ACSS1: variants seen among roughly 807,000 people sequenced by gnomAD.
The protein encoded by ACSS1 is acetyl-coenzyme A synthetase 2-like, mitochondrial.
In ACSS1, 42 loss-of-function variants were observed where a neutral mutation model predicts 75.3. The observed-to-expected ratio is 0.56, with a 90% CI of 0.44 to 0.72. ACSS1 has a LOEUF of 0.72. Among genes scored for constraint, ACSS1 ranks in the 30% least tolerant of loss-of-function variants. ACSS1 has a pLI of 0.00. For missense variants in ACSS1, 782 were observed against 935.7 expected, an observed-to-expected ratio of 0.84 and a Z score of 2.14; for synonymous variants, 380 against 376.8, an observed-to-expected ratio of 1.01 and a Z score of -0.10.
At chr20:25,044,923 G>A (rs2089062069) in intron 2 of ACSS1, among the ~76,000 whole-genome samples, 1 of 152,212 alleles carries the variant, frequency 6.6e-6, no homozygotes, top group Admixed American at 6.5e-5. Flanking sequence ...TCACCTCCCA[G>A]TGGGAATTGA....
At chr20:25,030,990 A>G (rs750891775) in intron 2 of ACSS1, 32 bp from the exon 3 acceptor site, 3 of 1,608,960 alleles carry the variant, frequency 1.9e-6, no homozygotes, top group East Asian at 4.5e-5. Context: ...GCCATCAGAG[A>G]TGGAGGAGGG....
intron 13 of ACSS1, among the ~76,000 whole-genome samples, chr20:25,008,675 T>A (rs2088352388): frequency 6.6e-6 from 1 of 152,314 alleles, no homozygotes; most frequent in East Asian, 1.9e-4. Flanking sequence ...CCCCTGATTC[T>A]GACCCCCTGG....
intron 2 of ACSS1, among the ~76,000 whole-genome samples, chr20:25,035,870 A>G (rs1302429734): frequency 6.6e-6 from 1 of 152,246 alleles, no homozygotes; most frequent in Non-Finnish European, 1.5e-5. Flanking sequence ...CTCAGGAACC[A>G]TTTGAAAGCA....
intron 2 of ACSS1, among the ~76,000 whole-genome samples, chr20:25,039,582 T>C (rs1043070345): frequency 6.6e-6 from 1 of 152,146 alleles, no homozygotes; most frequent in South Asian, 2.1e-4. Context: ...GAATGGCGTT[T>C]TCCTTCATCA....
chr20:25,013,727 A>G, intron 9 of ACSS1, 65 bp from the exon 10 acceptor site: 2 of 1,545,704 alleles, frequency 1.3e-6, no homozygotes, highest in Non-Finnish European at 8.7e-7. Context: ...CCAAAAAATG[A>G]CAAGCCCTGC....
At chr20:25,018,895 C>T (rs1033742321) in intron 7 of ACSS1, among the ~76,000 whole-genome samples, 2 of 152,206 alleles carry the variant, frequency 1.3e-5, no homozygotes, top group African/African-American at 4.8e-5. Context: ...TATACTAAGG[C>T]TCACATCTGA....
At chr20:25,025,870 G>A (rs1379454464) in intron 3 of ACSS1, among the ~76,000 whole-genome samples, 1 of 151,300 alleles carries the variant, frequency 6.6e-6, no homozygotes, top group East Asian at 1.9e-4. Flanking sequence ...TGTGCATTAA[G>A]GATGTGGGAT....
Position 25,057,844 on chromosome 20 carries a change from AG to A in ACSS1, c.258del (p.Tyr87ThrfsTer22). ...AAGTCGCAGTCCCAGACGGTGTGGTAGGGGGTGTCCCACACGAGAGTGTCCC... is the reference window on the plus strand; with the variant it reads ...AAGTCGCAGTCCCAGACGGTGTGGTAGGGGTGTCCCACACGAGAGTGTCCC... ...LARDTLVWDT[P>X]YHTVWDCDFS... On this transcript the variant is annotated frameshift_variant, in exon 1 of 14. Transcript: ENST00000323482. LOFTEE classifies it high-confidence loss of function. 1 of 1,612,290 alleles carries A rather than the reference AG, an allele frequency of 6.2e-7. No homozygotes were observed. Among genetic ancestry groups the A allele is most frequent in the Non-Finnish European group, 8.5e-7 (1 of 1,179,290 alleles).
At chr20:25,018,510 C>T (rs1202279394) in intron 7 of ACSS1, among the ~76,000 whole-genome samples, 1 of 152,104 alleles carries the variant, frequency 6.6e-6, no homozygotes, top group East Asian at 1.9e-4. Context: ...GGCACAGAGC[C>T]CATCAATCAG....
intron 1 of ACSS1, 34 bp downstream of exon 1, chr20:25,057,735 T>G (rs765225244): frequency 6.6e-7 from 1 of 1,525,226 alleles, no homozygotes; most frequent in Admixed American, 1.8e-5. Flanking sequence ...ACCCAAGAGT[T>G]GGGGGCGTCC....
chr20:25,015,273 TA>T, intron 7 of ACSS1, 43 bp from the exon 8 acceptor site: 1 of 1,514,846 alleles, frequency 6.6e-7, no homozygotes, highest in Non-Finnish European at 9.0e-7. Context: ...AGGCTGCAAA[TA>T]AACCTGAAAC....
intron 3 of ACSS1, among the ~76,000 whole-genome samples, chr20:25,027,802 T>G (rs953547222): frequency 8.3e-6 from 1 of 120,372 alleles, no homozygotes; most frequent in Admixed American, 8.2e-5. Context: ...AAAAAAGAAA[T>G]AAAAGACATC....
chr20:25,026,002 C>A (rs1030995701), intron 3 of ACSS1, among the ~76,000 whole-genome samples: 2 of 152,166 alleles, frequency 1.3e-5, no homozygotes, highest in African/African-American at 4.8e-5. Flanking sequence ...GGTCATTATT[C>A]TACCCCCACA....
chr20:25,023,037 A>T lies in ACSS1; in HGVS notation c.863T>A (p.Met288Lys), dbSNP rs142333179. The change falls in exon 5 of 14, where the codon ATG (methionine) becomes AAG (lysine). Residue 288 changes from methionine (M) to lysine (K), a missense_variant. Transcript: ENST00000323482. ...CAPESMGSED[M>K]LFMLYTSGST... The stretch of plus-strand genomic sequence containing the variant: ...CCCTGAGGTGTACAGCATGAAGAGC[A>T]TGTCCTCACTGCCCATGCTCTCTGG... 17 of 1,613,956 alleles carry T rather than the reference A, an allele frequency of 1.1e-5. No homozygotes were observed. In the African/African-American group the frequency reaches 2.3e-4, roughly 22 times the overall value.
At chr20:25,045,565 AG>A (rs1185761195) in intron 2 of ACSS1, among the ~76,000 whole-genome samples, 2 of 152,200 alleles carry the variant, frequency 1.3e-5, no homozygotes, top group African/African-American at 2.4e-5. Flanking sequence ...GTTTCTTTAA[AG>A]GGCCCAGGCT....
At chr20:25,053,061 T>A (rs1404414068) in intron 1 of ACSS1, among the ~76,000 whole-genome samples, 1 of 106,854 alleles carries the variant, frequency 9.4e-6, no homozygotes, top group African/African-American at 5.6e-5. Flanking sequence ...CACAATGAGC[T>A]TTTTTTTTTT....
At chr20:25,041,013 C>T (rs541787809) in intron 2 of ACSS1, among the ~76,000 whole-genome samples, 1 of 152,224 alleles carries the variant, frequency 6.6e-6, no homozygotes, top group African/African-American at 2.4e-5. Flanking sequence ...AATCCCAGCA[C>T]TTTGGGAGGC....
intron 7 of ACSS1, among the ~76,000 whole-genome samples, chr20:25,016,635 T>C (rs1459111122): frequency 2.0e-5 from 3 of 152,216 alleles, no homozygotes; most frequent in Admixed American, 1.3e-4. Context: ...GGCAGCTCAG[T>C]GTCTTGTGTG....
chr20:25,036,026 C>G (rs2088902754), intron 2 of ACSS1, among the ~76,000 whole-genome samples: 1 of 152,178 alleles, frequency 6.6e-6, no homozygotes, highest in South Asian at 2.1e-4. Context: ...CTGCAGGATC[C>G]TCTTATGTAG....
Sources: gnomAD v4.1 joint callset for allele counts (sites outside exome capture counted in the v4.1 genomes callset) on GRCh38, gnomAD v4.1.1 for gene constraint, MANE v1.5 for transcripts, NCBI Gene and HGNC (gene_info 2026-07-23, HGNC 2026-07-21) for gene names.